NAA11: variants seen among roughly 807,000 people sequenced by gnomAD.
NAA11 encodes the protein N-alpha-acetyltransferase 11, NatA catalytic subunit, also known as N-alpha-acetyltransferase 11.
Under a neutral mutation model 16.1 loss-of-function variants are expected in NAA11, and 15 were observed. The ratio of observed to expected loss-of-function variants is 0.93; its 90% CI spans 0.62 to 1.44. The LOEUF (loss-of-function observed/expected upper bound fraction) is 1.44. NAA11 is among the 40% of genes most tolerant of loss of function. NAA11 has a pLI of 0.00. For synonymous variants in NAA11, 122 were observed against 112.4 expected (o/e 1.09, Z -0.54); for missense variants, 298 against 291.3 (o/e 1.02, Z -0.17).
intron 2 of NAA11, among the ~76,000 whole-genome samples, chr4:79,250,363 G>C (rs943108662): frequency 1.3e-5 from 2 of 152,226 alleles, no homozygotes; most frequent in African/African-American, 4.8e-5. Context: ...AAGACCCATT[G>C]GCTGGAATTC....
At chr4:79,204,526 C>A in the NAA11 span, among the ~76,000 whole-genome samples, 1 of 140,710 alleles carries the variant, frequency 7.1e-6, no homozygotes, top group African/African-American at 2.5e-5. Flanking sequence ...TCCCTCCCTT[C>A]CTCCCTCCTT....
the NAA11 span, among the ~76,000 whole-genome samples, chr4:79,187,234 C>G: frequency 6.6e-6 from 1 of 152,118 alleles, no homozygotes; most frequent in African/African-American, 2.4e-5. Flanking sequence ...TTTCTGACAG[C>G]TGTAAAGTGA....
chr4:79,323,380 A>C lies in NAA11; in HGVS notation c.*12+1796T>G, dbSNP rs116044053. ...GTTTCAGTGGTTTCTTAGTATTAGC[A>C]TAAGTGTGTATTAAGAAGTACAAGA... On this transcript the variant is annotated intron_variant, in intron 1 of 1. Transcript: ENST00000286794. Among the ~76,000 whole-genome samples the C allele has an allele frequency of 7.7e-3, 1,167 of 152,334 alleles. 23 individuals carry two copies. Among genetic ancestry groups the C allele is most frequent in the African/African-American group, 0.026 (1,086 of 41,574 alleles).
chr4:79,257,654 T>C (rs758475633), intron 2 of NAA11, among the ~76,000 whole-genome samples: 41 of 152,176 alleles, frequency 2.7e-4, no homozygotes, highest in Non-Finnish European at 5.6e-4. Flanking sequence ...GTTTGATCTT[T>C]ATTTCAAAAG....
chr4:79,227,284 A>T (rs1721338888), intron 2 of NAA11: 1 of 152,076 alleles, frequency 6.6e-6, no homozygotes, highest in African/African-American at 2.4e-5. Flanking sequence ...TAATATCCAG[A>T]ATCTACAAAG....
chr4:79,202,623 T>A, the NAA11 span, among the ~76,000 whole-genome samples: 6 of 52,632 alleles, frequency 1.1e-4, no homozygotes, highest in African/African-American at 1.4e-4. Flanking sequence ...ATATATAGTT[T>A]TATATATATA....
chr4:79,284,591 C>CATA (rs1200823774), intron 2 of NAA11, among the ~76,000 whole-genome samples: 4,552 of 101,672 alleles, frequency 0.045, 1,303 homozygotes, highest in African/African-American at 0.085. Context: ...TGATTGAGGG[C>CATA]CGGGCGCGGT....
intron 1 of NAA11, among the ~76,000 whole-genome samples, chr4:79,295,289 A>G (rs991945323): frequency 1.3e-5 from 2 of 152,204 alleles, no homozygotes; most frequent in Non-Finnish European, 2.9e-5. Context: ...GCTGCAGCAT[A>G]AGGTGTGAAA....
chr4:79,303,426 G>A (rs551512298), intron 1 of NAA11, among the ~76,000 whole-genome samples: 4 of 151,972 alleles, frequency 2.6e-5, no homozygotes, highest in Admixed American at 6.6e-5. Context: ...AGCCTGGGAC[G>A]ACAGGTGCGC....
chr4:79,207,727 C>T, the NAA11 span, among the ~76,000 whole-genome samples: 449 of 152,158 alleles, frequency 3.0e-3, 1 homozygote, highest in African/African-American at 0.01. Context: ...CATTAGTGAC[C>T]ACTGGATGTT....
intron 1 of NAA11, among the ~76,000 whole-genome samples, chr4:79,295,936 A>G (rs1416874174): frequency 6.6e-6 from 1 of 152,194 alleles, no homozygotes; most frequent in Admixed American, 6.5e-5. Flanking sequence ...TCTTTAAAGT[A>G]TTAGATTAGG....
chr4:79,320,361 T>G (rs576224240), intron 1 of NAA11, among the ~76,000 whole-genome samples: 1 of 152,374 alleles, frequency 6.6e-6, no homozygotes, highest in East Asian at 1.9e-4. Context: ...TTACTCTTAC[T>G]ATCGATTATA....
chr4:79,320,877 A>C (rs756406633), intron 1 of NAA11, among the ~76,000 whole-genome samples: 3 of 152,236 alleles, frequency 2.0e-5, no homozygotes, highest in Non-Finnish European at 4.4e-5. Context: ...GTACTTTTGC[A>C]GTATGAGCCT....
chr4:79,204,525 T>TC, the NAA11 span, among the ~76,000 whole-genome samples: 7 of 143,306 alleles, frequency 4.9e-5, no homozygotes, highest in African/African-American at 1.8e-4. Context: ...CTCCCTCCCT[T>TC]CCTCCCTCCT....
chr4:79,161,986 A>C, the NAA11 span, among the ~76,000 whole-genome samples: 1 of 152,232 alleles, frequency 6.6e-6, no homozygotes, highest in African/African-American at 2.4e-5. Flanking sequence ...CGGCCTACTT[A>C]GTTCTTCTTT....
chr4:79,204,002 A>G, the NAA11 span, among the ~76,000 whole-genome samples: 3 of 151,920 alleles, frequency 2.0e-5, no homozygotes, highest in Non-Finnish European at 4.4e-5. Context: ...AATTAAAATA[A>G]TATTCATTTT....
chr4:79,172,410 A>G, the NAA11 span, among the ~76,000 whole-genome samples: 1 of 152,274 alleles, frequency 6.6e-6, no homozygotes, highest in Non-Finnish European at 1.5e-5. Context: ...GGGAAAAAAC[A>G]GTTTATCTGA....
chr4:79,232,027 A>G (rs1721477953), intron 2 of NAA11, among the ~76,000 whole-genome samples: 1 of 151,896 alleles, frequency 6.6e-6, no homozygotes, highest in Non-Finnish European at 1.5e-5. Flanking sequence ...TAATGCTATT[A>G]CAACTCTGTG....
At chr4:79,165,583 T>A in the NAA11 span, among the ~76,000 whole-genome samples, 1 of 152,218 alleles carries the variant, frequency 6.6e-6, no homozygotes, top group South Asian at 2.1e-4. Context: ...AATTGGATAA[T>A]GAATCAGTAA....
Sources: allele counts gnomAD v4.1 joint callset (sites outside exome capture counted in the v4.1 genomes callset), GRCh38; gene constraint gnomAD v4.1.1; transcripts MANE v1.5; gene names NCBI Gene and HGNC (gene_info 2026-07-23, HGNC 2026-07-21).